Variants in GRM8 observed in about 807,000 individuals in gnomAD.
The protein encoded by GRM8 is metabotropic glutamate receptor 8.
Under a neutral mutation model 87.2 loss-of-function variants are expected in GRM8, and 47 were observed. The ratio of observed to expected loss-of-function variants is 0.54; its 90% CI spans 0.43 to 0.69. The LOEUF (loss-of-function observed/expected upper bound fraction) is 0.69, where lower values mean the gene tolerates loss of function less well. GRM8 is among the 30% of genes least tolerant of loss of function. GRM8 has a pLI of 0.00. For missense variants in GRM8, 1,019 were observed against 1,139.2 expected (o/e 0.89, Z 1.52); for synonymous variants, 396 against 404.5 (o/e 0.98, Z 0.25).
intron 3 of GRM8, among the ~76,000 whole-genome samples, chr7:126,964,154 C>G (rs1363725723): frequency 1.3e-5 from 2 of 151,828 alleles, no homozygotes; most frequent in African/African-American, 4.8e-5. Context: ...ACACCTTATA[C>G]AAAAATTAAC....
chr7:126,665,441 T>C (rs116301684), intron 7 of GRM8, among the ~76,000 whole-genome samples: 2,566 of 152,320 alleles, frequency 0.017, 87 homozygotes, highest in African/African-American at 0.058. Context: ...TGAAGTCATG[T>C]CCTTTGCAGC....
intron 9 of GRM8, among the ~76,000 whole-genome samples, chr7:126,503,911 C>A (rs925423461): frequency 3.3e-5 from 5 of 152,000 alleles, no homozygotes; most frequent in African/African-American, 1.2e-4. Flanking sequence ...TTTCTCATTG[C>A]CCATTGATCA....
At chr7:127,050,514 T>A (rs1819359505) in intron 3 of GRM8, among the ~76,000 whole-genome samples, 1 of 152,168 alleles carries the variant, frequency 6.6e-6, no homozygotes, top group Non-Finnish European at 1.5e-5. Context: ...ACTGAAGGTA[T>A]AAATGGAGTG....
intron 3 of GRM8, among the ~76,000 whole-genome samples, chr7:127,074,734 T>C (rs1395529378): frequency 6.6e-6 from 1 of 152,174 alleles, no homozygotes; most frequent in Non-Finnish European, 1.5e-5. Context: ...CTGCCTTCTA[T>C]ATGCTCACCA....
At chr7:126,930,007 A>G (rs1342927957) in intron 3 of GRM8, among the ~76,000 whole-genome samples, 1 of 152,200 alleles carries the variant, frequency 6.6e-6, no homozygotes, top group Non-Finnish European at 1.5e-5. Flanking sequence ...ATTAATAAGA[A>G]TATAGAAGCT....
At position 126,789,920 on chromosome 7, in the gene GRM8, T is replaced by C. The variant is rs149484356; in HGVS notation, c.1157-19855A>G. Among the ~76,000 whole-genome samples, 1,117 of 152,306 alleles carry C rather than the reference T, an allele frequency of 7.3e-3. 5 individuals are homozygous for C. Among genetic ancestry groups the C allele is most frequent in the Non-Finnish European group, 0.01 (691 of 68,010 alleles). On this transcript the variant is annotated intron_variant, in intron 6 of 10. Coordinates refer to ENST00000339582, the MANE Select transcript of GRM8 (RefSeq NM_000845.3). ...TTTTTTCAGAGTTGAATCCCTAAACTGTTTTCCAACTGGCATGTTGTACTA... is the reference window on the plus strand; with the variant it reads ...TTTTTTCAGAGTTGAATCCCTAAACCGTTTTCCAACTGGCATGTTGTACTA...
At chr7:127,248,217 T>C (rs944084090) in intron 1 of GRM8, among the ~76,000 whole-genome samples, 3 of 152,246 alleles carry the variant, frequency 2.0e-5, no homozygotes, top group African/African-American at 4.8e-5. Flanking sequence ...CATCAACACT[T>C]ACTGATTGCC....
intron 2 of GRM8, among the ~76,000 whole-genome samples, chr7:127,121,909 A>G (rs1216196755): frequency 6.6e-6 from 1 of 152,168 alleles, no homozygotes; most frequent in Non-Finnish European, 1.5e-5. Context: ...GAGCCAAACC[A>G]TATTAGTAGC....
chr7:126,726,983 T>G (rs937512043), intron 7 of GRM8, among the ~76,000 whole-genome samples: 1 of 152,072 alleles, frequency 6.6e-6, no homozygotes, highest in African/African-American at 2.4e-5. Context: ...TTTAATAAAA[T>G]AAAATTCACC....
intron 6 of GRM8, among the ~76,000 whole-genome samples, chr7:126,779,065 C>T (rs1819782101): frequency 6.6e-6 from 1 of 151,854 alleles, no homozygotes; most frequent in Non-Finnish European, 1.5e-5. Context: ...ATGAGAATTC[C>T]CCTATATTAT....
chr7:126,767,180 C>T (rs191065493), intron 7 of GRM8, among the ~76,000 whole-genome samples: 1 of 152,196 alleles, frequency 6.6e-6, no homozygotes, highest in Admixed American at 6.6e-5. Context: ...AGATGTTCTT[C>T]ATTTATTCTT....
chr7:126,768,942 TAAAG>T (rs767444823), intron 7 of GRM8, among the ~76,000 whole-genome samples: 4 of 72,728 alleles, frequency 5.5e-5, no homozygotes, highest in African/African-American at 1.9e-4. Flanking sequence ...AAAAAAAAAA[TAAAG>T]AAGAAGTTTC....
chr7:127,109,671 C>T (rs1826167545), intron 2 of GRM8, among the ~76,000 whole-genome samples: 2 of 152,216 alleles, frequency 1.3e-5, no homozygotes, highest in African/African-American at 2.4e-5. Flanking sequence ...CATGACTCTG[C>T]TGGCTTATGA....
intron 7 of GRM8, among the ~76,000 whole-genome samples, chr7:126,629,325 A>C (rs1230719420): frequency 6.6e-6 from 1 of 152,168 alleles, no homozygotes; most frequent in Non-Finnish European, 1.5e-5. Context: ...TAAGCCAAAA[A>C]GCTTAATTCA....
intron 9 of GRM8, among the ~76,000 whole-genome samples, chr7:126,507,070 C>G (rs138795294): frequency 6.6e-6 from 1 of 152,112 alleles, no homozygotes; most frequent in East Asian, 1.9e-4. Context: ...GGTCCTCCTA[C>G]TTTTACTTTC....
At chr7:126,820,292 A>T (rs1264059348) in intron 6 of GRM8, among the ~76,000 whole-genome samples, 2 of 152,248 alleles carry the variant, frequency 1.3e-5, no homozygotes, top group African/African-American at 4.8e-5. Flanking sequence ...TTGGAAAAAT[A>T]GTTACAGATG....
At chr7:126,848,874 AAAAG>A (rs1160747124) in intron 6 of GRM8, among the ~76,000 whole-genome samples, 1 of 152,190 alleles carries the variant, frequency 6.6e-6, no homozygotes, top group Non-Finnish European at 1.5e-5. Flanking sequence ...GGCAATTTAC[AAAAG>A]AAAGAGGTTT....
At chr7:126,931,425 T>G (rs2131444362) in intron 3 of GRM8, among the ~76,000 whole-genome samples, 1 of 152,312 alleles carries the variant, frequency 6.6e-6, no homozygotes, top group South Asian at 2.1e-4. Context: ...AAAATTGCAC[T>G]GAGCATAATA....
At chr7:127,011,575 C>G (rs537901997) in intron 3 of GRM8, among the ~76,000 whole-genome samples, 2 of 152,150 alleles carry the variant, frequency 1.3e-5, no homozygotes, top group Admixed American at 1.3e-4. Context: ...AAGACAAAAC[C>G]TATTGTGTTC....
Sources: gnomAD v4.1 joint callset for allele counts (sites outside exome capture counted in the v4.1 genomes callset) on GRCh38, gnomAD v4.1.1 for gene constraint, MANE v1.5 for transcripts, NCBI Gene and HGNC (gene_info 2026-07-23, HGNC 2026-07-21) for gene names.